The following CACNG2 variants were observed in gnomAD, a reference collection of about 807,000 sequenced individuals.
CACNG2 encodes voltage-dependent calcium channel gamma-2 subunit.
A neutral mutation model predicts 25.9 loss-of-function variants in CACNG2; 3 were observed. The observed-to-expected ratio is 0.12, with a 90% CI of 0.05 to 0.30. The LOEUF (loss-of-function observed/expected upper bound fraction) is 0.30. CACNG2 is among the 10% of genes least tolerant of loss of function. The pLI is 1.00. For missense variants in CACNG2, 341 were observed against 432.5 expected, an observed-to-expected ratio of 0.79 and a Z score of 1.88; for synonymous variants, 167 against 173.3, an observed-to-expected ratio of 0.96 and a Z score of 0.29.
chr22:36,566,510 G>A lies in CACNG2; in HGVS notation c.296-17C>T, dbSNP rs780863834. 1.9e-6 allele frequency: 3 copies of A among 1,613,856 alleles called. No individual in the cohort carries two copies. The highest frequency in any genetic ancestry group is 2.2e-5 in the East Asian group (1 of 44,884). The stretch of plus-strand genomic sequence containing the variant: ...TCACGGCCCCTGTGGAACACAGAGG[G>A]TCAGGGAGAAAGAGAACGGCATGGC... On this transcript the variant is annotated splice_polypyrimidine_tract_variant and intron_variant, in intron 2 of 3. Coordinates refer to ENST00000300105, the MANE Select transcript of CACNG2 (RefSeq NM_006078.5).
intron 2 of CACNG2, among the ~76,000 whole-genome samples, chr22:36,579,704 C>G (rs144020029): frequency 9.8e-5 from 15 of 152,322 alleles, no homozygotes; most frequent in Non-Finnish European, 1.9e-4. Context: ...GCCTTCCCCT[C>G]GTCTGCTTAT....
At chr22:36,658,023 G>T (rs535212571) in intron 1 of CACNG2, among the ~76,000 whole-genome samples, 1 of 152,250 alleles carries the variant, frequency 6.6e-6, no homozygotes, top group South Asian at 2.1e-4. Flanking sequence ...ACTTCTGGGG[G>T]TTTGTCCAGT....
intron 2 of CACNG2, among the ~76,000 whole-genome samples, chr22:36,569,384 C>A (rs1185574995): frequency 1.3e-5 from 2 of 152,126 alleles, no homozygotes; most frequent in Non-Finnish European, 2.9e-5. Context: ...CCCTATGTGG[C>A]TTCCAAGGAG....
At chr22:36,577,529 A>G (rs1323843813) in intron 2 of CACNG2, among the ~76,000 whole-genome samples, 1 of 151,938 alleles carries the variant, frequency 6.6e-6, no homozygotes, top group Non-Finnish European at 1.5e-5. Flanking sequence ...GCAGGCCCGT[A>G]GTCCCACCTA....
chr22:36,678,714 G>A (rs182351814), intron 1 of CACNG2, among the ~76,000 whole-genome samples: 12 of 143,162 alleles, frequency 8.4e-5, no homozygotes, highest in African/African-American at 2.4e-4. Context: ...ATTTCCCCAC[G>A]ATGGCCAGGA....
chr22:36,655,037 A>G (rs1936683350), intron 1 of CACNG2, among the ~76,000 whole-genome samples: 1 of 152,046 alleles, frequency 6.6e-6, no homozygotes, highest in Non-Finnish European at 1.5e-5. Context: ...GGGGGAAAAC[A>G]GAATGCTGGG....
chr22:36,699,920 C>T (rs1018321848), intron 1 of CACNG2, among the ~76,000 whole-genome samples: 1 of 152,234 alleles, frequency 6.6e-6, no homozygotes, highest in Admixed American at 6.5e-5. Context: ...GCCCAACTTC[C>T]TAAGGTGGTC....
intron 2 of CACNG2, among the ~76,000 whole-genome samples, chr22:36,569,580 C>A (rs1370484624): frequency 6.6e-6 from 1 of 152,124 alleles, no homozygotes; most frequent in Non-Finnish European, 1.5e-5. Context: ...TGCTCTATAC[C>A]CCAGGCTGGA....
chr22:36,587,493 G>A lies in CACNG2; in HGVS notation c.267C>T (p.Tyr89=), dbSNP rs148787239. Residue 89 remains tyrosine, a synonymous_variant, in exon 2 of 4, where the codon TAC becomes TAT. Coordinates refer to ENST00000300105, the MANE Select transcript of CACNG2 (RefSeq NM_006078.5). ...QIDHFPEDAD[Y]EADTAEYFLR... is the part of the protein sequence containing the mutation. Reference sequence around the variant, plus strand: ...GGAAATATTCTGCTGTGTCAGCTTCGTAATCTGCATCCTCTGGGAAGTGAT... The same window carrying A: ...GGAAATATTCTGCTGTGTCAGCTTCATAATCTGCATCCTCTGGGAAGTGAT... 52 of 1,613,414 alleles carry A rather than the reference G, an allele frequency of 3.2e-5. No individual in the cohort carries two copies. Among genetic ancestry groups the A allele is most frequent in the Middle Eastern group, 3.3e-4 (2 of 6,062 alleles).
intron 1 of CACNG2, among the ~76,000 whole-genome samples, chr22:36,592,940 G>A (rs1003890046): frequency 1.3e-5 from 2 of 152,178 alleles, no homozygotes; most frequent in Admixed American, 6.5e-5. Flanking sequence ...AGTGGTGTGC[G>A]CCCAGCCCAG....
chr22:36,650,761 C>A (rs1447091920), intron 1 of CACNG2, among the ~76,000 whole-genome samples: 2 of 152,162 alleles, frequency 1.3e-5, no homozygotes, highest in African/African-American at 2.4e-5. Flanking sequence ...TTCAAGTGAT[C>A]CTTCTGCCTG....
At chr22:36,619,334 C>T (rs1936071910) in intron 1 of CACNG2, among the ~76,000 whole-genome samples, 1 of 152,190 alleles carries the variant, frequency 6.6e-6, no homozygotes, top group Non-Finnish European at 1.5e-5. Context: ...AAAACATTAT[C>T]ACTAGGTGCA....
chr22:36,643,475 T>TCTGTCTGC (rs1366382066), intron 1 of CACNG2, among the ~76,000 whole-genome samples: 2 of 79,832 alleles, frequency 2.5e-5, no homozygotes, highest in Non-Finnish European at 5.1e-5. Context: ...TATCTGTCTG[T>TCTGTCTGC]CTATCTATCT....
chr22:36,590,606 C>T (rs554630459), intron 1 of CACNG2, among the ~76,000 whole-genome samples: 1 of 152,180 alleles, frequency 6.6e-6, no homozygotes, highest in Non-Finnish European at 1.5e-5. Context: ...AGGCCACCAT[C>T]CCTGCTCCCT....
At position 36,702,450 on chromosome 22, in the gene CACNG2, T is replaced by C. The variant is rs577956268; in HGVS notation, c.127A>G (p.Lys43Glu). The C allele has an allele frequency of 1.1e-5, 18 of 1,614,160 alleles. No individual in the cohort carries two copies. Among genetic ancestry groups the C allele is most frequent in the East Asian group, 4.5e-5 (2 of 44,884 alleles). ...WLYSRGVCKT[K>E]SVSENETSKK... ...CTGGTTTCATTCTCACTGACACTTT[T>C]GGTCTTGCAAACCCCTCTGGAGTAG... The change falls in exon 1 of 4, where the codon AAA becomes GAA. Residue 43 changes from lysine to glutamate, a missense_variant. By Grantham distance (56) the Lys-to-Glu change is moderately conservative. This residue lies in a region of CACNG2 where 169 missense variants were observed against 254.4 expected (regional missense o/e 0.66). Coordinates refer to ENST00000300105, the MANE Select transcript of CACNG2 (RefSeq NM_006078.5).
chr22:36,597,692 T>C (rs1342184621), intron 1 of CACNG2, among the ~76,000 whole-genome samples: 2 of 152,238 alleles, frequency 1.3e-5, no homozygotes, highest in South Asian at 2.1e-4. Context: ...TACGCTCCTA[T>C]GCAGTGCTTT....
Position 36,561,980 on chromosome 22 carries a change from A to G in CACNG2, c.*2371T>C, listed in dbSNP as rs1361825616. The G allele has an allele frequency of 6.6e-6, 1 of 152,264 alleles. No individual in the cohort carries two copies. Among genetic ancestry groups the G allele is most frequent in the Admixed American group, 6.5e-5 (1 of 15,284 alleles). 9.4% of individuals were successfully genotyped at this position (152,264 alleles called of 1,614,324 possible). ...CTCTTTTTCACAGACCCCCAAAGAC[A>G]CTGGGGAAGCCCTGGTGGCAGAGCT... On this transcript the variant is annotated 3_prime_UTR_variant, in exon 4 of 4. Transcript: ENST00000300105.
intron 1 of CACNG2, among the ~76,000 whole-genome samples, chr22:36,655,661 TTTTC>T (rs1056196322): frequency 8.7e-5 from 12 of 138,658 alleles, no homozygotes; most frequent in South Asian, 8.3e-4. Flanking sequence ...ACTTTCTTTC[TTTTC>T]TTTCTTTCTC....
chr22:36,615,288 A>G (rs914842781), intron 1 of CACNG2, among the ~76,000 whole-genome samples: 1 of 152,226 alleles, frequency 6.6e-6, no homozygotes, highest in Non-Finnish European at 1.5e-5. Flanking sequence ...AAACTGCACA[A>G]ACTACTGCCC....
Sources: allele counts gnomAD v4.1 joint callset (sites outside exome capture counted in the v4.1 genomes callset), GRCh38; gene constraint gnomAD v4.1.1; regional missense constraint gnomAD v4.1.1; transcripts MANE v1.5; gene names NCBI Gene and HGNC (gene_info 2026-07-23, HGNC 2026-07-21).